The following NFILZ variants were observed in gnomAD, a reference collection of about 807,000 sequenced individuals.
The protein encoded by NFILZ is NFIL3 like protein.
chr19:8,675,872 T>C (rs1450077385), intron 4 of NFILZ, among the ~76,000 whole-genome samples: 6 of 152,080 alleles, frequency 3.9e-5, no homozygotes, highest in Non-Finnish European at 8.8e-5. Context: ...GGAGGGACAT[T>C]TGGATGAATG....
intron 3 of NFILZ, among the ~76,000 whole-genome samples, chr19:8,669,977 G>A (rs1417847949): frequency 6.6e-6 from 1 of 152,184 alleles, no homozygotes; most frequent in Non-Finnish European, 1.5e-5. Context: ...TCCAGAGGAA[G>A]GGGAGATTCT....
At chr19:8,647,642 C>T (rs2042944888) in intron 3 of NFILZ, among the ~76,000 whole-genome samples, 1 of 150,686 alleles carries the variant, frequency 6.6e-6, no homozygotes, top group Non-Finnish European at 1.5e-5. Context: ...AGCTGGAAGC[C>T]ATCATTCTCA....
intron 2 of NFILZ, among the ~76,000 whole-genome samples, chr19:8,632,948 C>T (rs2042876986): frequency 6.7e-6 from 1 of 150,150 alleles, no homozygotes; most frequent in African/African-American, 2.5e-5. Context: ...GTCTCAAACT[C>T]TTGACCTCAG....
intron 3 of NFILZ, among the ~76,000 whole-genome samples, chr19:8,649,464 G>A (rs534154816): frequency 6.6e-6 from 1 of 151,958 alleles, no homozygotes; most frequent in East Asian, 2.0e-4. Context: ...ACGGGATTTT[G>A]CCATGTTGGC....
intron 4 of NFILZ, among the ~76,000 whole-genome samples, 83 bp from the exon 5 acceptor site, chr19:8,676,276 C>T (rs2043109762): frequency 6.6e-6 from 1 of 152,122 alleles, no homozygotes; most frequent in Non-Finnish European, 1.5e-5. Flanking sequence ...ACAATCTGGG[C>T]ACAGTTTAGG....
At chr19:8,636,220 C>T (rs1429162065) in intron 3 of NFILZ, among the ~76,000 whole-genome samples, 9 of 149,732 alleles carry the variant, frequency 6.0e-5, no homozygotes, top group East Asian at 2.1e-4. Context: ...GAGGCCGAGG[C>T]GGGTGAATCA....
At chr19:8,631,958 C>T (rs1181384322) in intron 1 of NFILZ, among the ~76,000 whole-genome samples, 1 of 151,890 alleles carries the variant, frequency 6.6e-6, no homozygotes, top group Non-Finnish European at 1.5e-5. Context: ...CAACCTCTGC[C>T]TCCCGGGTTC....
At chr19:8,674,418 C>G (rs2043102000) in intron 3 of NFILZ, among the ~76,000 whole-genome samples, 133 bp from the exon 4 acceptor site, 1 of 152,120 alleles carries the variant, frequency 6.6e-6, no homozygotes, top group Non-Finnish European at 1.5e-5. Context: ...GTCTACCTTA[C>G]AACCTGGCAC....
chr19:8,657,693 A>G (rs1375602355), intron 3 of NFILZ, among the ~76,000 whole-genome samples: 1 of 152,140 alleles, frequency 6.6e-6, no homozygotes, highest in Non-Finnish European at 1.5e-5. Flanking sequence ...CTTTCATTCA[A>G]AGATTTGTTG....
chr19:8,633,961 TTCTC>T (rs2042883347), intron 2 of NFILZ, among the ~76,000 whole-genome samples: 1 of 146,430 alleles, frequency 6.8e-6, no homozygotes, highest in African/African-American at 2.5e-5. Flanking sequence ...CCTTCTTTCC[TTCTC>T]TCTCTCTCTT....
Position 8,663,742 on chromosome 19 carries a change from G to GTA in NFILZ, c.-163-10808_-163-10807insAT, listed in dbSNP as rs1382253708. On this transcript the variant is annotated intron_variant, in intron 3 of 5. Transcript: ENST00000691075. ...TGTGTTTGTGTGTGTGTGTGTGTGTGTGTGTGTGTGTGTGTGTGTGTGTGT... is the reference window on the plus strand; with the variant it reads ...TGTGTTTGTGTGTGTGTGTGTGTGTGTATGTGTGTGTGTGTGTGTGTGTGTGT... Among the ~76,000 whole-genome samples, 15 of 83,970 alleles carry GTA rather than the reference G, an allele frequency of 1.8e-4. 1 individual carries two copies. The highest frequency in any genetic ancestry group is 7.2e-4 in the African/African-American group (11 of 15,354). 55.1% of individuals were successfully genotyped at this position (83,970 alleles called of 152,430 possible).
In NFILZ at chr19:8,656,271, AAGCCCACCTTCTCCCCAC is replaced by A. The variant is rs1226911404; in HGVS notation, c.-163-18270_-163-18253del. Among the ~76,000 whole-genome samples, 934 of 117,124 alleles carry A rather than the reference AAGCCCACCTTCTCCCCAC, an allele frequency of 8.0e-3. 58 individuals carry two copies. Among genetic ancestry groups the A allele is most frequent in the South Asian group, 0.024 (67 of 2,836 alleles). The allele number at this position is 117,124 out of a possible 152,430, so 76.8% of individuals were successfully genotyped here. A position where few individuals can be genotyped will look rare whatever the true frequency, so the allele number is the denominator to read the frequency against. ...CTCCACGCAGCCCATCTTCTCTCTGAAGCCCACCTTCTCCCCACAGCCCACCTCCTCCCGCAGCGCACC... is the reference window on the plus strand; with the variant it reads ...CTCCACGCAGCCCATCTTCTCTCTGAAGCCCACCTCCTCCCGCAGCGCACC... On this transcript the variant is annotated intron_variant, in intron 3 of 5. Coordinates refer to ENST00000691075, the MANE Select transcript of NFILZ (RefSeq NM_001378600.1).
chr19:8,632,846 C>T (rs1259829479), intron 2 of NFILZ, among the ~76,000 whole-genome samples: 1 of 151,736 alleles, frequency 6.6e-6, no homozygotes, highest in Non-Finnish European at 1.5e-5. Flanking sequence ...CCTCAGCCTC[C>T]TGAGTAGCTG....
intron 3 of NFILZ, among the ~76,000 whole-genome samples, chr19:8,664,732 T>C (rs2043054025): frequency 1.3e-5 from 2 of 152,018 alleles, no homozygotes; most frequent in Admixed American, 6.6e-5. Context: ...TATGGGTCCC[T>C]GGTTCTCCTT....
intron 3 of NFILZ, among the ~76,000 whole-genome samples, chr19:8,672,151 CA>C (rs141227959): frequency 6.6e-6 from 1 of 151,978 alleles, no homozygotes; most frequent in African/African-American, 2.4e-5. Context: ...TTAGTTCATT[CA>C]AAAAATCCAT....
intron 3 of NFILZ, among the ~76,000 whole-genome samples, chr19:8,659,654 AGTGTCT>A (rs1460317857): frequency 6.6e-6 from 1 of 152,190 alleles, no homozygotes; most frequent in Admixed American, 6.5e-5. Flanking sequence ...TCCAGCAGAT[AGTGTCT>A]GTGAAGTGCT....
At chr19:8,631,297 T>A (rs1281058787) in intron 1 of NFILZ, among the ~76,000 whole-genome samples, 1 of 151,990 alleles carries the variant, frequency 6.6e-6, no homozygotes, top group Non-Finnish European at 1.5e-5. Flanking sequence ...ACCCCACAGC[T>A]CTCTCAGGGG....
rs2043127275 is a variant in NFILZ at position 8,678,189 on chromosome 19, C to CTATCCATCCACCCTTCCATCCATT, written c.*554_*555insTATCCATCCACCCTTCCATCCATT. On this transcript the variant is annotated 3_prime_UTR_variant, in exon 6 of 6. Coordinates refer to ENST00000691075, the MANE Select transcript of NFILZ (RefSeq NM_001378600.1). ...TCCATCCATCCATCCATCCATCCAT[C>CTATCCATCCACCCTTCCATCCATT]CGTCCATCTATCCATCCATCCATTC... is the stretch of plus-strand genomic sequence containing the variant. Among the ~76,000 whole-genome samples the CTATCCATCCACCCTTCCATCCATT allele has an allele frequency of 1.4e-5, 1 of 71,016 alleles. No homozygotes were observed. The allele number at this position is 71,016 out of a possible 152,430, so 46.6% of individuals were successfully genotyped here.
Position 8,677,217 on chromosome 19 carries a change from G to A in NFILZ, c.452G>A (p.Gly151Glu), listed in dbSNP as rs1215411162. 1.3e-5 allele frequency: 2 copies of A among 153,104 alleles called. No individual in the cohort carries two copies. The highest frequency in any genetic ancestry group is 1.5e-5 in the Non-Finnish European group (1 of 68,734). The allele number at this position is 153,104 out of a possible 1,614,324, so 9.5% of individuals were successfully genotyped here. ...CGTTCCCTGGATGCTGGGATTCCAGGATGTCGGGGCTGCCTGCTGGCTCCC... is the reference window on the plus strand; with the variant it reads ...CGTTCCCTGGATGCTGGGATTCCAGAATGTCGGGGCTGCCTGCTGGCTCCC... ...RPRSLDAGIP[G>E]CRGCLLAPRW... The change falls in exon 6 of 6, where the codon GGA (glycine) becomes GAA (glutamate). Residue 151 changes from glycine to glutamate, a missense_variant. By Grantham distance (98) the Gly-to-Glu change is moderately conservative. Transcript: ENST00000691075.
Sources: gnomAD v4.1 joint callset for allele counts (sites outside exome capture counted in the v4.1 genomes callset) on GRCh38, gnomAD v4.1.1 for gene constraint, MANE v1.5 for transcripts, NCBI Gene and HGNC (gene_info 2026-07-23, HGNC 2026-07-21) for gene names.